APC: variants seen among roughly 807,000 people sequenced by gnomAD.
APC encodes adenomatous polyposis coli protein.
Under a neutral mutation model 247.0 loss-of-function variants are expected in APC, and 72 were observed. That is an observed-to-expected ratio of 0.29 (90% CI 0.24 to 0.35). APC has a LOEUF of 0.35. APC is among the 10% of genes least tolerant of loss of function. The pLI, the probability that APC is intolerant of heterozygous loss-of-function variation, is 1.00. For synonymous variants in APC, 1,254 were observed against 1,162.5 expected, an observed-to-expected ratio of 1.08 and a Z score of -1.60; for missense variants, 3,400 against 3,360.7, an observed-to-expected ratio of 1.01 and a Z score of -0.29.
At chr5:112,827,333 T>C in intron 12 of APC, 86 bp downstream of exon 12, 8 of 1,439,778 alleles carry the variant, frequency 5.6e-6, no homozygotes, top group African/African-American at 1.4e-5. Context: ...TGATTTTCTT[T>C]TTTTTCACTC....
At chr5:112,755,067 A>T (rs1581122341) in intron 2 of APC, 42 bp downstream of exon 2, 2 of 1,610,662 alleles carry the variant, frequency 1.2e-6, no homozygotes, top group Non-Finnish European at 1.7e-6. Context: ...ATCCATTTTT[A>T]TTCAGTATTC....
At chr5:112,780,048 AT>A (rs1328142650) in intron 5 of APC, among the ~76,000 whole-genome samples, 3 of 152,246 alleles carry the variant, frequency 2.0e-5, no homozygotes, top group African/African-American at 7.2e-5. Flanking sequence ...CCTTTTGGGC[AT>A]GGGTTTATAT....
intron 4 of APC, among the ~76,000 whole-genome samples, chr5:112,774,951 G>A (rs1757456221): frequency 6.6e-6 from 1 of 152,086 alleles, no homozygotes; most frequent in Non-Finnish European, 1.5e-5. Flanking sequence ...CTGGCAAAGA[G>A]CCACGTGAAA....
upstream of APC, among the ~76,000 whole-genome samples, chr5:112,736,585 A>C (rs959061563): frequency 3.9e-5 from 6 of 152,182 alleles, no homozygotes; most frequent in Non-Finnish European, 5.9e-5. Context: ...ATACTATTTG[A>C]AAATTAAGAA....
chr5:112,740,927 G>C (rs1239661006), intron 1 of APC, among the ~76,000 whole-genome samples: 1 of 152,070 alleles, frequency 6.6e-6, no homozygotes, highest in African/African-American at 2.4e-5. Flanking sequence ...ACTTGTATAT[G>C]TTTAAATGAT....
At chr5:112,747,969 G>A (rs1753872167) in intron 1 of APC, among the ~76,000 whole-genome samples, 1 of 152,160 alleles carries the variant, frequency 6.6e-6, no homozygotes, top group African/African-American at 2.4e-5. Context: ...TAGAGCATGG[G>A]CATGCCCATC....
chr5:112,808,465 T>C (rs1453947219), intron 8 of APC, among the ~76,000 whole-genome samples: 1 of 152,206 alleles, frequency 6.6e-6, no homozygotes, highest in Non-Finnish European at 1.5e-5. Flanking sequence ...GTTTTTGTTT[T>C]TGTTTTTTTA....
chr5:112,818,855 G>GGGGTGTTTTGTTTTTT, intron 9 of APC, 111 bp from the exon 10 acceptor site: 2 of 1,118,288 alleles, frequency 1.8e-6, no homozygotes, highest in East Asian at 2.6e-5. Flanking sequence ...GGCGGGGGGG[G>GGGGTGTTTTGTTTTTT]TTGTTTTGTT....
chr5:112,767,302 C>T lies in APC; in HGVS notation c.334C>T (p.Pro112Ser), dbSNP rs1392982680. ...ATCAAGCCGTTCTGGAGAGTGCAGT[C>T]CTGTTCCTATGGGTTCATTTCCAAG... ...SVSSRSGECS[P>S]VPMGSFPRRG... The change falls in exon 4 of 16, where the codon CCT (proline) becomes TCT (serine). Residue 112 changes from proline (P) to serine (S), a missense_variant. Around this residue, in one of 9 missense-constraint regions of APC, gnomAD observed 372 missense variants for 367.6 expected, o/e 1.01. Coordinates refer to ENST00000257430, the MANE Select transcript of APC (RefSeq NM_000038.6). The T allele has an allele frequency of 4.3e-6, 7 of 1,613,932 alleles. No individual in the cohort carries two copies. The highest frequency in any genetic ancestry group is 5.9e-6 in the Non-Finnish European group (7 of 1,179,972).
At chr5:112,771,938 G>C (rs995612428) in intron 4 of APC, among the ~76,000 whole-genome samples, 4 of 152,078 alleles carry the variant, frequency 2.6e-5, no homozygotes, top group African/African-American at 9.7e-5. Flanking sequence ...CAGTTTTCTA[G>C]TTAGTAAAGT....
chr5:112,818,875 T>A (rs2149777663), intron 9 of APC, 91 bp from the exon 10 acceptor site: 1 of 1,351,176 alleles, frequency 7.4e-7, no homozygotes. Context: ...TTTTTTAGAG[T>A]TATAGTAAAT....
At chr5:112,781,021 C>G (rs1758281594) in intron 6 of APC, 118 bp downstream of exon 6, 1 of 761,110 alleles carries the variant, frequency 1.3e-6, no homozygotes, top group Non-Finnish European at 2.3e-6. Flanking sequence ...TTTATTTTGG[C>G]TCTATTTCAA....
intron 1 of APC, 43 bp downstream of exon 1, chr5:112,737,968 G>C: frequency 2.0e-6 from 2 of 977,478 alleles, no homozygotes; most frequent in Non-Finnish European, 2.4e-6. Context: ...TGCGGGGGGA[G>C]GGGGGAAGGT....
rs863224541 is a variant in APC, at chr5:112,838,893, C to T, written c.3299C>T (p.Ser1100Phe). 1.3e-5 allele frequency: 21 copies of T among 1,613,970 alleles called. No homozygotes were observed. Among genetic ancestry groups the T allele is most frequent in the Non-Finnish European group, 1.7e-5 (20 of 1,180,032 alleles). ...QPHFGQQECV[S>F]PYRSRGANGS... ...CATTTTGGACAGCAGGAATGTGTTT[C>T]TCCATACAGGTCACGGGGAGCCAAT... Residue 1100 changes from serine to phenylalanine, a missense_variant, in exon 16 of 16, where the codon TCT (serine) becomes TTT (phenylalanine). Ser to Phe is a radical substitution (Grantham distance 155). This residue lies in a region of APC where 715 missense variants were observed against 656.6 expected (regional missense o/e 1.09). Transcript: ENST00000257430.
chr5:112,828,469 A>C (rs1228961908), intron 13 of APC, among the ~76,000 whole-genome samples: 8 of 151,792 alleles, frequency 5.3e-5, no homozygotes, highest in African/African-American at 1.7e-4. Flanking sequence ...AAAAAAAAAA[A>C]AAAAACAGGA....
At chr5:112,781,032 AAT>A in intron 6 of APC, 129 bp downstream of exon 6, 1 of 717,366 alleles carries the variant, frequency 1.4e-6, no homozygotes, top group Non-Finnish European at 2.5e-6. Context: ...TCTATTTCAA[AAT>A]AAGATTTATC....
chr5:112,775,545 A>G, intron 4 of APC, 84 bp from the exon 5 acceptor site: 1 of 794,048 alleles, frequency 1.3e-6, no homozygotes. Context: ...AGAAGTTTGC[A>G]ATAACAACTG....
chr5:112,826,141 A>G, intron 11 of APC, among the ~76,000 whole-genome samples: 1 of 150,832 alleles, frequency 6.6e-6, no homozygotes, highest in East Asian at 2.0e-4. Context: ...AACTTCCCAG[A>G]TCACTTATTA....
chr5:112,783,822 A>G (rs2149654268), intron 6 of APC: 1 of 368,928 alleles, frequency 2.7e-6, no homozygotes, highest in Non-Finnish European at 5.2e-6. Context: ...AAGAAAACAG[A>G]TAACCAAATA....
Sources: allele counts gnomAD v4.1 joint callset (sites outside exome capture counted in the v4.1 genomes callset), GRCh38; gene constraint gnomAD v4.1.1; regional missense constraint gnomAD v4.1.1; transcripts MANE v1.5; gene names NCBI Gene and HGNC (gene_info 2026-07-23, HGNC 2026-07-21).